Variants in AGAP1 observed in about 807,000 individuals in gnomAD.
AGAP1 encodes the protein arf-GAP with GTPase, ANK repeat and PH domain-containing protein 1.
Under a neutral mutation model 105.3 loss-of-function variants are expected in AGAP1, and 29 were observed. The observed-to-expected ratio is 0.28, with a 90% CI of 0.21 to 0.38. AGAP1 has a LOEUF of 0.38. Ranked by LOEUF, AGAP1 falls within the 10% of genes least tolerant of loss-of-function variation. The pLI, the probability that AGAP1 is intolerant of heterozygous loss-of-function variation, is 1.00. For synonymous variants in AGAP1, 509 were observed against 485.9 expected, an observed-to-expected ratio of 1.05 and a Z score of -0.63; for missense variants, 998 against 1,165.1, an observed-to-expected ratio of 0.86 and a Z score of 2.09.
intron 10 of AGAP1, among the ~76,000 whole-genome samples, chr2:235,899,554 T>C (rs1016139857): frequency 1.3e-4 from 20 of 152,318 alleles, no homozygotes; most frequent in Admixed American, 2.6e-4. Context: ...CTGCACATTT[T>C]AGCAAATTCG....
intron 13 of AGAP1, among the ~76,000 whole-genome samples, chr2:235,968,842 C>G (rs537481889): frequency 6.6e-6 from 1 of 152,174 alleles, no homozygotes; most frequent in African/African-American, 2.4e-5. Context: ...TGTCATCACT[C>G]TTGGCCGCCG....
chr2:235,536,181 C>A (rs1413273968), intron 1 of AGAP1, among the ~76,000 whole-genome samples: 2 of 40,760 alleles, frequency 4.9e-5, no homozygotes, highest in Non-Finnish European at 8.4e-5. Context: ...ACACACACAG[C>A]AGGACCCCGG....
intron 6 of AGAP1, among the ~76,000 whole-genome samples, chr2:235,790,558 T>C (rs1008898524): frequency 6.6e-6 from 1 of 152,166 alleles, no homozygotes; most frequent in Non-Finnish European, 1.5e-5. Context: ...CATAGATCTC[T>C]TCACTTCTCT....
At chr2:235,941,778 A>C (rs1377308432) in intron 12 of AGAP1, among the ~76,000 whole-genome samples, 2 of 152,020 alleles carry the variant, frequency 1.3e-5, no homozygotes, top group Admixed American at 1.3e-4. Flanking sequence ...GCTGCCAAGA[A>C]CTCAGTAGGC....
intron 1 of AGAP1, among the ~76,000 whole-genome samples, chr2:235,654,911 A>G (rs945936308): frequency 1.3e-5 from 2 of 152,242 alleles, no homozygotes; most frequent in Non-Finnish European, 2.9e-5. Context: ...AGTAGGCAGT[A>G]TGTTTTCAAT....
rs1314317986 is a variant in AGAP1 at position 235,962,485 on chromosome 2, G to A, written c.1484-5977G>A. ...GACGTCAGATGGCATGGAACTCAGG[G>A]CATAGAGGAGCCACGGGAGTGAAGG... On this transcript the variant is annotated intron_variant, in intron 12 of 17. Transcript: ENST00000304032. The surrounding 1 kb of genome is among the most constrained non-coding windows in gnomAD (Gnocchi z 5.3). 1.6e-4 allele frequency among the ~76,000 whole-genome samples: 25 copies of A among 152,126 alleles called. No individual in the cohort carries two copies. Among genetic ancestry groups the A allele is most frequent in the Admixed American group, 1.6e-3 (25 of 15,276 alleles).
At chr2:235,941,155 T>C (rs2125212937) in intron 12 of AGAP1, among the ~76,000 whole-genome samples, 1 of 152,354 alleles carries the variant, frequency 6.6e-6, no homozygotes, top group Non-Finnish European at 1.5e-5. Flanking sequence ...ATACAGTTTA[T>C]GGCAGAAAAC....
In AGAP1 at chr2:235,659,630, C is replaced by T. The variant is rs779648568; in HGVS notation, c.164-49549C>T. ...CATTACTTTGAGAACCTGTGCAGGTCCAGGTGCCGAGGGCTGTCAGATCCC... is the reference window on the plus strand; with the variant it reads ...CATTACTTTGAGAACCTGTGCAGGTTCAGGTGCCGAGGGCTGTCAGATCCC... On this transcript the variant is annotated intron_variant, in intron 1 of 17. Coordinates refer to ENST00000304032, the MANE Select transcript of AGAP1 (RefSeq NM_001037131.3). This position sits in a 1 kb window ranked among gnomAD's most constrained non-coding sequence, Gnocchi z 5.0. Among the ~76,000 whole-genome samples, 17 of 152,194 alleles carry T rather than the reference C, an allele frequency of 1.1e-4. No homozygotes were observed. Among genetic ancestry groups the T allele is most frequent in the South Asian group, 2.1e-4 (1 of 4,820 alleles).
intron 12 of AGAP1, among the ~76,000 whole-genome samples, chr2:235,946,103 CT>C (rs1334790023): frequency 7.6e-6 from 1 of 131,424 alleles, no homozygotes; most frequent in East Asian, 2.0e-4. Flanking sequence ...CATTTTTCCC[CT>C]AATTAAAAAA....
rs545097269 is a variant in AGAP1 at position 235,582,577 on chromosome 2, T to G, written c.163+87728T>G. On this transcript the variant is annotated intron_variant, in intron 1 of 17. Coordinates refer to ENST00000304032, the MANE Select transcript of AGAP1 (RefSeq NM_001037131.3). This position sits in a 1 kb window ranked among gnomAD's most constrained non-coding sequence, Gnocchi z 4.7. The stretch of plus-strand genomic sequence containing the variant: ...TTAAAGGGATGCCACATTTTGAGCT[T>G]CTCAGATATAAAAGAAGGATTCTTT... 1.3e-5 allele frequency among the ~76,000 whole-genome samples: 2 copies of G among 152,298 alleles called. No homozygotes were observed. The highest frequency in any genetic ancestry group is 4.8e-5 in the African/African-American group (2 of 41,558).
At chr2:235,686,651 ATATATATATATATATTT>A (rs1949446609) in intron 1 of AGAP1, among the ~76,000 whole-genome samples, 3 of 38,240 alleles carry the variant, frequency 7.8e-5, no homozygotes, top group African/African-American at 5.0e-4. Flanking sequence ...ATATAGATAT[ATATATATATATATATTT>A]TTTTTTTTTT....
intron 13 of AGAP1, among the ~76,000 whole-genome samples, chr2:236,029,393 A>G (rs1234249631): frequency 1.3e-5 from 2 of 150,390 alleles, no homozygotes; most frequent in Non-Finnish European, 2.9e-5. Flanking sequence ...CTCCTGCCTC[A>G]GCCTCCTGAG....
chr2:235,537,799 G>C (rs1051409815), intron 1 of AGAP1, among the ~76,000 whole-genome samples: 12 of 152,138 alleles, frequency 7.9e-5, no homozygotes, highest in African/African-American at 2.7e-4. Flanking sequence ...ACTGCTGGCA[G>C]TCACTTGTGT....
At chr2:235,784,514 AAATTAGGTTTAGATCCCTTTT>A (rs144995076) in intron 6 of AGAP1, among the ~76,000 whole-genome samples, 3,040 of 151,896 alleles carry the variant, frequency 0.02, 92 homozygotes, top group African/African-American at 0.07. Context: ...AATGTAAATA[AAATTAGGTTTAGATCCCTTTT>A]AATTACCTGA....
chr2:236,006,933 G>A (rs1009264769), intron 13 of AGAP1, among the ~76,000 whole-genome samples: 4 of 152,276 alleles, frequency 2.6e-5, no homozygotes, highest in African/African-American at 7.2e-5. Flanking sequence ...TTTTTATTCC[G>A]TTGTTGTGTT....
At chr2:235,502,306 G>T (rs1017123709) in intron 1 of AGAP1, among the ~76,000 whole-genome samples, 1 of 152,158 alleles carries the variant, frequency 6.6e-6, no homozygotes, top group African/African-American at 2.4e-5. Context: ...TGGATTCTTT[G>T]AGTAACCAGC....
At position 235,962,601 on chromosome 2, in the gene AGAP1, G is replaced by A. The variant is rs2054237847; in HGVS notation, c.1484-5861G>A. Among the ~76,000 whole-genome samples the A allele has an allele frequency of 6.6e-6, 1 of 152,098 alleles. No individual in the cohort carries two copies. Among genetic ancestry groups the A allele is most frequent in the Non-Finnish European group, 1.5e-5 (1 of 68,020 alleles). On this transcript the variant is annotated intron_variant, in intron 12 of 17. Transcript: ENST00000304032. This position sits in a 1 kb window ranked among gnomAD's most constrained non-coding sequence, Gnocchi z 5.3. ...GTAGCAAGCCTGGGTGAGACCATGAGAGAGGGTGTCTGAGGTCCAGGGCAG... is the reference window on the plus strand; with the variant it reads ...GTAGCAAGCCTGGGTGAGACCATGAAAGAGGGTGTCTGAGGTCCAGGGCAG...
intron 6 of AGAP1, among the ~76,000 whole-genome samples, chr2:235,764,107 G>T (rs1026131469): frequency 1.3e-5 from 2 of 152,210 alleles, no homozygotes; most frequent in African/African-American, 4.8e-5. Context: ...AACTTCCACG[G>T]CAGAAGTGCC....
intron 1 of AGAP1, among the ~76,000 whole-genome samples, chr2:235,605,475 C>T (rs914278910): frequency 2.6e-5 from 4 of 152,236 alleles, no homozygotes; most frequent in Admixed American, 6.5e-5. Context: ...TCCGGCTTGT[C>T]GTGCAGCACG....
Sources: allele counts gnomAD v4.1 joint callset (sites outside exome capture counted in the v4.1 genomes callset), GRCh38; gene constraint gnomAD v4.1.1; non-coding constraint Gnocchi (gnomAD v3.1); transcripts MANE v1.5; gene names NCBI Gene and HGNC (gene_info 2026-07-23, HGNC 2026-07-21).